SPAG16: variants seen among roughly 807,000 people sequenced by gnomAD.
The protein encoded by SPAG16 is sperm associated antigen 16, also known as sperm-associated antigen 16 protein.
In SPAG16, 86 loss-of-function variants were observed where a neutral mutation model predicts 80.4. The observed-to-expected ratio is 1.07, with a 90% CI of 0.90 to 1.28. The LOEUF is 1.28. SPAG16 is among the 50% of genes most tolerant of loss of function. The pLI, the probability that SPAG16 is intolerant of heterozygous loss-of-function variation, is 0.00. For synonymous variants in SPAG16, 294 were observed against 265.9 expected (o/e 1.11, Z -1.03); for missense variants, 870 against 765.3 (o/e 1.14, Z -1.61).
chr2:214,021,196 TGGGA>T (rs959269933), intron 13 of SPAG16, among the ~76,000 whole-genome samples: 18 of 152,194 alleles, frequency 1.2e-4, no homozygotes, highest in African/African-American at 4.1e-4. Context: ...TTAAATTTTG[TGGGA>T]GTAGAAAACA....
At chr2:214,055,974 G>C (rs1184167085) in intron 13 of SPAG16, among the ~76,000 whole-genome samples, 1 of 152,064 alleles carries the variant, frequency 6.6e-6, no homozygotes, top group Non-Finnish European at 1.5e-5. Flanking sequence ...AGTTGGAGTG[G>C]ATTCTGTCAA....
chr2:214,220,086 G>T (rs955011299), intron 15 of SPAG16, among the ~76,000 whole-genome samples: 2 of 151,894 alleles, frequency 1.3e-5, no homozygotes, highest in Non-Finnish European at 2.9e-5. Context: ...AACTTTAATA[G>T]AATACAAGAT....
chr2:214,357,367 T>C (rs1209235330), intron 15 of SPAG16, among the ~76,000 whole-genome samples: 1 of 151,976 alleles, frequency 6.6e-6, no homozygotes, highest in Non-Finnish European at 1.5e-5. Context: ...ACTATTCTCC[T>C]TTTTGTCAAC....
chr2:214,207,065 G>T (rs1004481477), intron 15 of SPAG16, among the ~76,000 whole-genome samples: 1 of 152,098 alleles, frequency 6.6e-6, no homozygotes, highest in African/African-American at 2.4e-5. Context: ...CTTTAGAATT[G>T]CCAGAACATT....
intron 10 of SPAG16, among the ~76,000 whole-genome samples, chr2:213,518,028 A>G (rs966562330): frequency 1.3e-5 from 2 of 152,236 alleles, no homozygotes; most frequent in Admixed American, 6.5e-5. Context: ...ACCCTACAGA[A>G]TGGGAGCAAA....
chr2:214,037,900 T>TGTGTGA (rs2048794369), intron 13 of SPAG16, among the ~76,000 whole-genome samples: 4 of 151,262 alleles, frequency 2.6e-5, no homozygotes, highest in African/African-American at 9.8e-5. Flanking sequence ...TGTGTGTGTG[T>TGTGTGA]GTGTGTGTGT....
In SPAG16 at chr2:213,508,298, C is replaced by T. The variant is rs1168048902; in HGVS notation, c.1070+18208C>T. On this transcript the variant is annotated intron_variant, in intron 10 of 15. Transcript: ENST00000331683. ...ATAAAAAATGATGAGTTCGGCTGGG[C>T]GCGGTGGCTCACGCCTGTAATCCCA... 3.3e-5 allele frequency among the ~76,000 whole-genome samples: 5 copies of T among 152,166 alleles called. No individual in the cohort carries two copies. In the South Asian group the frequency reaches 6.2e-4, roughly 19 times the overall value.
At chr2:214,275,492 G>A (rs111775422) in intron 15 of SPAG16, among the ~76,000 whole-genome samples, 2 of 152,166 alleles carry the variant, frequency 1.3e-5, no homozygotes, top group East Asian at 1.9e-4. Context: ...GGTACATTGT[G>A]TCTTTGTTCT....
intron 12 of SPAG16, among the ~76,000 whole-genome samples, chr2:213,983,200 A>G (rs936384198): frequency 6.6e-6 from 1 of 152,008 alleles, no homozygotes; most frequent in Non-Finnish European, 1.5e-5. Context: ...TTACAAATAT[A>G]TGATTGATAA....
intron 10 of SPAG16, among the ~76,000 whole-genome samples, chr2:213,826,731 G>A (rs1432675168): frequency 6.6e-6 from 1 of 151,948 alleles, no homozygotes; most frequent in Non-Finnish European, 1.5e-5. Flanking sequence ...TGCATGAAAA[G>A]TTCTGTTAAT....
intron 10 of SPAG16, among the ~76,000 whole-genome samples, chr2:213,672,047 A>G (rs2063829939): frequency 6.6e-6 from 1 of 152,214 alleles, no homozygotes. Flanking sequence ...CCTTTAGAAA[A>G]CTAATATAGG....
intron 10 of SPAG16, among the ~76,000 whole-genome samples, chr2:213,730,119 A>C (rs556250488): frequency 6.6e-6 from 1 of 152,296 alleles, no homozygotes; most frequent in East Asian, 1.9e-4. Flanking sequence ...ACTCATTCAC[A>C]GTTGATTAAG....
At chr2:213,762,465 A>G (rs1357395460) in intron 10 of SPAG16, among the ~76,000 whole-genome samples, 1 of 152,186 alleles carries the variant, frequency 6.6e-6, no homozygotes, top group Non-Finnish European at 1.5e-5. Flanking sequence ...GAAACAGAAA[A>G]CAGAACCTAG....
At position 213,973,399 on chromosome 2, in the gene SPAG16, G is replaced by A. The variant is rs375970032; in HGVS notation, c.1401-40552G>A. On this transcript the variant is annotated intron_variant, in intron 12 of 15. Transcript: ENST00000331683. ...CTCCTCTGCTCTTGGTGGGATCCAA[G>A]ATATGAAACAGAAACAAGAACATTA... Among the ~76,000 whole-genome samples, 7 of 151,940 alleles carry A rather than the reference G, an allele frequency of 4.6e-5. 1 individual carries two copies. Among genetic ancestry groups the A allele is most frequent in the Non-Finnish European group, 1.0e-4 (7 of 67,986 alleles).
At chr2:214,030,785 G>T (rs1042946147) in intron 13 of SPAG16, among the ~76,000 whole-genome samples, 1 of 152,096 alleles carries the variant, frequency 6.6e-6, no homozygotes, top group Non-Finnish European at 1.5e-5. Context: ...GCAATTCCTG[G>T]GTCCCTTATC....
chr2:214,319,305 G>C (rs909384703), intron 15 of SPAG16, among the ~76,000 whole-genome samples: 2 of 151,752 alleles, frequency 1.3e-5, no homozygotes, highest in African/African-American at 4.8e-5. Flanking sequence ...ATTATTTGTA[G>C]TCTATATAAT....
At chr2:213,397,031 T>C (rs1211944314) in intron 9 of SPAG16, among the ~76,000 whole-genome samples, 3 of 152,232 alleles carry the variant, frequency 2.0e-5, no homozygotes, top group East Asian at 1.9e-4. Context: ...CCTTCTGTGC[T>C]AATGAAAATC....
intron 14 of SPAG16, among the ~76,000 whole-genome samples, chr2:214,133,334 G>GA (rs970985018): frequency 9.2e-5 from 14 of 152,012 alleles, no homozygotes; most frequent in South Asian, 2.1e-4. Context: ...CCTCTGGGAA[G>GA]AAAAAATCAC....
At chr2:213,827,788 T>C (rs974901845) in intron 10 of SPAG16, among the ~76,000 whole-genome samples, 2 of 151,890 alleles carry the variant, frequency 1.3e-5, no homozygotes, top group East Asian at 3.8e-4. Context: ...GGCTATACTA[T>C]TCTAGGATAT....
Sources: allele counts gnomAD v4.1 joint callset (sites outside exome capture counted in the v4.1 genomes callset), GRCh38; gene constraint gnomAD v4.1.1; transcripts MANE v1.5; gene names NCBI Gene and HGNC (gene_info 2026-07-23, HGNC 2026-07-21).